Variants in BBS4 observed in about 807,000 individuals in gnomAD.
BBS4 encodes BBSome complex member BBS4.
A neutral mutation model predicts 71.4 loss-of-function variants in BBS4; 58 were observed. That is an observed-to-expected ratio of 0.81 (90% CI 0.66 to 1.01). The LOEUF is 1.01. Among genes scored for constraint, BBS4 ranks in the 50% least tolerant of loss-of-function variants. The pLI, the probability that BBS4 is intolerant of heterozygous loss-of-function variation, is 0.00. For synonymous variants in BBS4, 228 were observed against 216.8 expected (o/e 1.05, Z -0.46); for missense variants, 660 against 607.9 (o/e 1.09, Z -0.90).
chr15:72,706,757 T>C (rs2065270495), intron 2 of BBS4, among the ~76,000 whole-genome samples: 1 of 152,220 alleles, frequency 6.6e-6, no homozygotes, highest in Non-Finnish European at 1.5e-5. Flanking sequence ...ATCCATACTT[T>C]CTGTTATAAT....
At chr15:72,702,414 T>G (rs1463937285) in intron 2 of BBS4, among the ~76,000 whole-genome samples, 1 of 152,068 alleles carries the variant, frequency 6.6e-6, no homozygotes, top group Admixed American at 6.6e-5. Context: ...GACTATTCAG[T>G]GGAATAATAA....
chr15:72,731,518 C>T, intron 11 of BBS4, 37 bp from the exon 12 acceptor site: 1 of 1,614,210 alleles, frequency 6.2e-7, no homozygotes, highest in Non-Finnish European at 8.5e-7. Flanking sequence ...GTCTGTTTAG[C>T]TTGCCCTTCT....
At chr15:72,735,631 C>G in intron 13 of BBS4, 194 bp from the exon 14 acceptor site, 1 of 729,840 alleles carries the variant, frequency 1.4e-6, no homozygotes, top group African/African-American at 1.7e-5. Flanking sequence ...GTCCCAATAC[C>G]AGCTTTGCTT....
At chr15:72,733,015 A>G (rs2065854529) in intron 12 of BBS4, among the ~76,000 whole-genome samples, 1 of 152,210 alleles carries the variant, frequency 6.6e-6, no homozygotes, top group Non-Finnish European at 1.5e-5. Context: ...GGGCCCAGTA[A>G]AGGAGGCAGT....
rs1239146210 is a variant in BBS4 at position 72,737,698 on chromosome 15, G to A, written c.*111G>A. 1 of 882,340 alleles carries A rather than the reference G, an allele frequency of 1.1e-6. No individual in the cohort carries two copies. The highest frequency in any genetic ancestry group is 1.8e-6 in the Non-Finnish European group (1 of 552,888). The allele number at this position is 882,340 out of a possible 1,614,324, so 54.7% of individuals were successfully genotyped here. On this transcript the variant is annotated 3_prime_UTR_variant, in exon 16 of 16. Transcript: ENST00000268057. ...AGTGGCACCCACCACAGAATACAGT[G>A]TGTGTTATTACGAGGAGCCAGCAGT...
chr15:72,737,185 C>CT (rs2065942982), intron 15 of BBS4: 1 of 633,784 alleles, frequency 1.6e-6, no homozygotes, highest in Admixed American at 2.7e-5. Flanking sequence ...GTTGGATGGT[C>CT]TATACACTGG....
rs2065735740 is a variant in BBS4 at position 72,727,997 on chromosome 15, A to G, written c.642+3A>G. 1.2e-6 allele frequency: 2 copies of G among 1,609,022 alleles called. No homozygotes were observed. The highest frequency in any genetic ancestry group is 1.1e-5 in the South Asian group (1 of 90,968). On this transcript the variant is annotated splice_donor_region_variant and intron_variant, in intron 9 of 15. Coordinates refer to ENST00000268057, the MANE Select transcript of BBS4 (RefSeq NM_033028.5). ...CTTTAGGATTACTCTACTTACAGGT[A>G]ATGAAAACTCTGTACTCATTCATGC... is the stretch of plus-strand genomic sequence containing the variant.
chr15:72,720,233 A>C (rs1442316693), intron 6 of BBS4, among the ~76,000 whole-genome samples: 1 of 151,992 alleles, frequency 6.6e-6, no homozygotes, highest in Non-Finnish European at 1.5e-5. Context: ...CTGTAATACC[A>C]GCACTTTAAA....
intron 2 of BBS4, among the ~76,000 whole-genome samples, chr15:72,702,271 C>T (rs969698674): frequency 5.3e-5 from 8 of 152,116 alleles, no homozygotes; most frequent in Admixed American, 5.2e-4. Context: ...ACCTTGGAGA[C>T]CTGGGTTATA....
intron 1 of BBS4, among the ~76,000 whole-genome samples, chr15:72,690,377 A>C (rs1035398310): frequency 1.3e-5 from 2 of 152,230 alleles, no homozygotes; most frequent in Admixed American, 6.5e-5. Flanking sequence ...TGAGTGGGCT[A>C]ATAGAATCCT....
At chr15:72,737,434 G>A (rs753522528) in intron 15 of BBS4, 44 bp from the exon 16 acceptor site, 3 of 1,504,772 alleles carry the variant, frequency 2.0e-6, no homozygotes, top group Non-Finnish European at 2.7e-6. Context: ...GATTTCTTCT[G>A]AAATTGTGGA....
intron 2 of BBS4, among the ~76,000 whole-genome samples, chr15:72,696,610 A>G (rs1205707452): frequency 6.6e-6 from 1 of 152,112 alleles, no homozygotes; most frequent in South Asian, 2.1e-4. Flanking sequence ...CATTATTATT[A>G]TTTTGAGAGA....
intron 1 of BBS4, chr15:72,686,747 TC>T: frequency 2.5e-6 from 1 of 398,594 alleles, no homozygotes; most frequent in Non-Finnish European, 4.7e-6. Flanking sequence ...GGGCGTTCAC[TC>T]CACAGAACTG....
At chr15:72,699,036 A>G (rs1406799410) in intron 2 of BBS4, among the ~76,000 whole-genome samples, 1 of 152,200 alleles carries the variant, frequency 6.6e-6, no homozygotes, top group Non-Finnish European at 1.5e-5. Flanking sequence ...TAGCTTTCTG[A>G]AAGAATAGTT....
intron 1 of BBS4, among the ~76,000 whole-genome samples, chr15:72,688,411 CTTTTTT>C (rs58644289): frequency 2.4e-5 from 2 of 83,052 alleles, no homozygotes; most frequent in Non-Finnish European, 4.3e-5. Flanking sequence ...GGTATTTTAT[CTTTTTT>C]TTTTTTTTTT....
chr15:72,706,738 T>G (rs1440044543), intron 2 of BBS4, among the ~76,000 whole-genome samples: 1 of 152,242 alleles, frequency 6.6e-6, no homozygotes, highest in Non-Finnish European at 1.5e-5. Context: ...TCCTGGCATG[T>G]AAAGTCATAT....
intron 2 of BBS4, among the ~76,000 whole-genome samples, chr15:72,706,013 A>G (rs2065258676): frequency 6.6e-6 from 1 of 152,180 alleles, no homozygotes; most frequent in Non-Finnish European, 1.5e-5. Context: ...TATAAACTCA[A>G]AAGGGTTCAG....
chr15:72,731,039 G>A (rs1452962629), intron 10 of BBS4, among the ~76,000 whole-genome samples: 2 of 139,550 alleles, frequency 1.4e-5, no homozygotes, highest in Admixed American at 7.2e-5. Flanking sequence ...GTAGGAAACA[G>A]ATGGGTAAAG....
chr15:72,731,813 C>T lies in BBS4; in HGVS notation c.1036+87C>T, dbSNP rs1187414420. ...AATCATAGAAGATCAGTGGCTGTCT[C>T]ATAGGAGCCATTCCCTTAGAGATCC... On this transcript the variant is annotated intron_variant, in intron 12 of 15. Coordinates refer to ENST00000268057, the MANE Select transcript of BBS4 (RefSeq NM_033028.5). 6.7e-6 allele frequency: 10 copies of T among 1,487,222 alleles called. No individual in the cohort carries two copies. In the African/African-American group the frequency reaches 1.1e-4, roughly 16 times the overall value. 92.1% of individuals were successfully genotyped at this position (1,487,222 alleles called of 1,614,324 possible). A position where few individuals can be genotyped will look rare whatever the true frequency, so the allele number is the denominator to read the frequency against.
Sources: allele counts gnomAD v4.1 joint callset (sites outside exome capture counted in the v4.1 genomes callset), GRCh38; gene constraint gnomAD v4.1.1; transcripts MANE v1.5; gene names NCBI Gene and HGNC (gene_info 2026-07-23, HGNC 2026-07-21).